Variants in RB1CC1 observed in about 807,000 individuals in gnomAD.
The protein encoded by RB1CC1 is RB1 inducible coiled-coil 1, also known as RB1-inducible coiled-coil protein 1.
A neutral mutation model predicts 177.5 loss-of-function variants in RB1CC1; 46 were observed. The ratio of observed to expected loss-of-function variants is 0.26; its 90% CI spans 0.20 to 0.33. The LOEUF (loss-of-function observed/expected upper bound fraction) is 0.33. Among genes scored for constraint, RB1CC1 ranks in the 10% least tolerant of loss-of-function variants. The pLI is 1.00. For missense variants in RB1CC1, 1,703 were observed against 1,816.3 expected, an observed-to-expected ratio of 0.94 and a Z score of 1.13; for synonymous variants, 666 against 613.6, an observed-to-expected ratio of 1.09 and a Z score of -1.26.
intron 18 of RB1CC1, among the ~76,000 whole-genome samples, chr8:52,641,363 GA>G (rs1489558854): frequency 1.7e-5 from 2 of 120,432 alleles, no homozygotes; most frequent in Admixed American, 2.1e-4. Flanking sequence ...CACCCTGGGG[GA>G]TAAGAGTGAG....
intron 1 of RB1CC1, among the ~76,000 whole-genome samples, chr8:52,692,811 C>T (rs1444556176): frequency 1.3e-5 from 2 of 152,002 alleles, no homozygotes; most frequent in Non-Finnish European, 2.9e-5. Context: ...ACAAAAAAAA[C>T]CTCTTTCAAT....
chr8:52,671,063 G>A (rs1244306387), intron 7 of RB1CC1, among the ~76,000 whole-genome samples: 2 of 152,076 alleles, frequency 1.3e-5, no homozygotes, highest in East Asian at 3.9e-4. Context: ...TAAAATGGGG[G>A]GAAAAACAAT....
rs1159882865 is a variant in RB1CC1, at chr8:52,623,790, T to C, written c.4777A>G (p.Lys1593Glu). ...TTAATTTTGTCCATAAGTTATACTT[T>C]CTTATTCCATGATACGGCTTTCACT... is the stretch of plus-strand genomic sequence containing the variant. ...YRVKAVSWNK[K>E]V Residue 1593 changes from lysine (K) to glutamate (E), a missense_variant, in exon 24 of 24, where the codon AAA (lysine) becomes GAA (glutamate). Physicochemically the swap from Lys to Glu is moderately conservative, Grantham distance 56. Transcript: ENST00000025008. 1.9e-6 allele frequency: 3 copies of C among 1,598,190 alleles called. No individual in the cohort carries two copies. The highest frequency in any genetic ancestry group is 1.7e-6 in the Non-Finnish European group (2 of 1,165,926).
intron 7 of RB1CC1, among the ~76,000 whole-genome samples, chr8:52,670,418 C>T (rs529789536): frequency 6.6e-6 from 1 of 152,292 alleles, no homozygotes; most frequent in South Asian, 2.1e-4. Context: ...TCTTTGGCAT[C>T]TACAAAGGCT....
At chr8:52,698,670 G>GTTTTTTTTTTTTTTTT (rs1183407164) in intron 1 of RB1CC1, among the ~76,000 whole-genome samples, 2 of 77,400 alleles carry the variant, frequency 2.6e-5, no homozygotes, top group African/African-American at 5.4e-5. Context: ...GTAATGGTTG[G>GTTTTTTTTTTTTTTTT]TTTTTTTTTT....
At chr8:52,708,344 G>A (rs999719058) in intron 1 of RB1CC1, among the ~76,000 whole-genome samples, 8 of 151,982 alleles carry the variant, frequency 5.3e-5, no homozygotes, top group Non-Finnish European at 8.8e-5. Context: ...GTGAAACCCC[G>A]TCTCTGCTAA....
At chr8:52,660,301 A>AC (rs1457756513) in intron 12 of RB1CC1, among the ~76,000 whole-genome samples, 1 of 152,220 alleles carries the variant, frequency 6.6e-6, no homozygotes, top group African/African-American at 2.4e-5. Context: ...AAGGGTGGAA[A>AC]GAAAAAAAGG....
rs759917709 is a variant in RB1CC1 at position 52,656,943 on chromosome 8, T to A, written c.2886A>T (p.Leu962Phe). ...CATCATTTTCAACATGGAGCTTTTTTAAGTCTTCTAACACTATTTCTCGTG... is the reference window on the plus strand; with the variant it reads ...CATCATTTTCAACATGGAGCTTTTTAAAGTCTTCTAACACTATTTCTCGTG... ...KQSREIVLED[L>F]KKLHVENDEK... The change falls in exon 15 of 24, where the codon TTA becomes TTT. Residue 962 changes from leucine (L) to phenylalanine (F), a missense_variant. Physicochemically the swap from Leu to Phe is conservative, Grantham distance 22 (BLOSUM62 0). Coordinates refer to ENST00000025008, the MANE Select transcript of RB1CC1 (RefSeq NM_014781.5). The A allele has an allele frequency of 1.2e-6, 2 of 1,613,476 alleles. No individual in the cohort carries two copies. Among genetic ancestry groups the A allele is most frequent in the South Asian group, 2.2e-5 (2 of 91,058 alleles).
chr8:52,708,638 C>T lies in RB1CC1; in HGVS notation c.-167+5437G>A, dbSNP rs73681535. ...TTCTCCTTTCTCTGAATTTACAGAA[C>T]TCTTAAGTAGTTAATATAAGGTAGC... On this transcript the variant is annotated intron_variant, in intron 1 of 23. Transcript: ENST00000025008. 6.3e-4 allele frequency among the ~76,000 whole-genome samples: 96 copies of T among 152,296 alleles called. 1 individual carries two copies. Among genetic ancestry groups the T allele is most frequent in the Admixed American group, 2.6e-3 (40 of 15,300 alleles).
At chr8:52,697,125 A>C (rs1269009741) in intron 1 of RB1CC1, among the ~76,000 whole-genome samples, 1 of 152,076 alleles carries the variant, frequency 6.6e-6, no homozygotes, top group Non-Finnish European at 1.5e-5. Flanking sequence ...ACCCCAGACC[A>C]CCTCTGAAAA....
At chr8:52,665,948 G>A (rs148863838) in intron 8 of RB1CC1, among the ~76,000 whole-genome samples, 610 of 152,258 alleles carry the variant, frequency 4.0e-3, no homozygotes, top group Non-Finnish European at 6.1e-3. Context: ...GTTTATTTGC[G>A]TTCAGATCCT....
At chr8:52,665,351 G>A (rs556101232) in intron 8 of RB1CC1, among the ~76,000 whole-genome samples, 3 of 152,178 alleles carry the variant, frequency 2.0e-5, no homozygotes, top group Non-Finnish European at 2.9e-5. Context: ...CTTACTTACT[G>A]GAAGTGTTGA....
chr8:52,667,989 T>G lies in RB1CC1; in HGVS notation c.1173+32A>C, dbSNP rs773526338. On this transcript the variant is annotated intron_variant, in intron 8 of 23. Transcript: ENST00000025008. Reference sequence around the variant, plus strand: ...ACATGTGTACAAAAAAACTATAAATTCCTTTTCCTGAGAAAAGTCTAAAAT... The same window carrying G: ...ACATGTGTACAAAAAAACTATAAATGCCTTTTCCTGAGAAAAGTCTAAAAT... 3 of 1,580,898 alleles carry G rather than the reference T, an allele frequency of 1.9e-6. No individual in the cohort carries two copies. The Admixed American group carries it at 5.6e-5, about 30-fold the overall frequency.
chr8:52,697,599 A>T (rs1397295922), intron 1 of RB1CC1, among the ~76,000 whole-genome samples: 1 of 152,212 alleles, frequency 6.6e-6, no homozygotes, highest in Non-Finnish European at 1.5e-5. Flanking sequence ...AAATAAGCGA[A>T]GGAAGGAAGG....
At chr8:52,649,615 AAC>A (rs1227441325) in intron 15 of RB1CC1, among the ~76,000 whole-genome samples, 1 of 152,194 alleles carries the variant, frequency 6.6e-6, no homozygotes, top group Admixed American at 6.5e-5. Context: ...CAGCCTGGGC[AAC>A]AGAGTGAGAC....
chr8:52,689,987 A>C lies in RB1CC1; in HGVS notation c.-166-3020T>G, dbSNP rs542316106. ...CAGGGAAAGTAGGCATAATTATCAT[A>C]AATGTGATACTTTCTAAGAAATATG... On this transcript the variant is annotated intron_variant, in intron 1 of 23. Coordinates refer to ENST00000025008, the MANE Select transcript of RB1CC1 (RefSeq NM_014781.5). Among the ~76,000 whole-genome samples the C allele has an allele frequency of 2.6e-5, 4 of 152,326 alleles. No individual in the cohort carries two copies. The East Asian group carries it at 7.7e-4, about 29-fold the overall frequency.
chr8:52,700,259 C>G (rs1855927284), intron 1 of RB1CC1, among the ~76,000 whole-genome samples: 1 of 152,100 alleles, frequency 6.6e-6, no homozygotes, highest in African/African-American at 2.4e-5. Context: ...CAGCAACATG[C>G]TGGGTGCATT....
At chr8:52,632,114 G>T (rs766007920) in intron 20 of RB1CC1, among the ~76,000 whole-genome samples, 1 of 152,146 alleles carries the variant, frequency 6.6e-6, no homozygotes, top group Non-Finnish European at 1.5e-5. Context: ...CTATAGCCAT[G>T]GCTTAGCCGG....
chr8:52,685,500 C>G lies in RB1CC1; in HGVS notation c.-31G>C. The G allele has an allele frequency of 1.5e-6, 2 of 1,361,676 alleles. No individual in the cohort carries two copies. The highest frequency in any genetic ancestry group is 2.1e-6 in the Non-Finnish European group (2 of 963,446). The allele number at this position is 1,361,676 out of a possible 1,614,324, so 84.3% of individuals were successfully genotyped here. A position where few individuals can be genotyped will look rare whatever the true frequency, so the allele number is the denominator to read the frequency against. The stretch of plus-strand genomic sequence containing the variant: ...TTTATCTGAATTCTGTGAGCTTATA[C>G]CTCACCCTCTGATACAGTTACTAGA... On this transcript the variant is annotated 5_prime_UTR_variant, in exon 3 of 24. Transcript: ENST00000025008.
Sources: gnomAD v4.1 joint callset for allele counts (sites outside exome capture counted in the v4.1 genomes callset) on GRCh38, gnomAD v4.1.1 for gene constraint, MANE v1.5 for transcripts, NCBI Gene and HGNC (gene_info 2026-07-23, HGNC 2026-07-21) for gene names.